Variants in PTPRM observed in about 807,000 individuals in gnomAD.
PTPRM encodes protein tyrosine phosphatase receptor type M.
PTPRM carries 47 observed loss-of-function variants against 186.7 expected under a neutral mutation model. The observed-to-expected ratio is 0.25, with a 90% CI of 0.20 to 0.32. The LOEUF (loss-of-function observed/expected upper bound fraction) is 0.32, where lower values mean the gene tolerates loss of function less well. Ranked by LOEUF, PTPRM falls within the 10% of genes least tolerant of loss-of-function variation. The pLI is 1.00. For synonymous variants in PTPRM, 668 were observed against 674.9 expected, an observed-to-expected ratio of 0.99 and a Z score of 0.16; for missense variants, 1,494 against 1,865.0, an observed-to-expected ratio of 0.80 and a Z score of 3.66.
intron 23 of PTPRM, among the ~76,000 whole-genome samples, chr18:8,349,086 G>A (rs1011652300): frequency 9.2e-5 from 14 of 152,130 alleles, no homozygotes; most frequent in African/African-American, 3.4e-4. Flanking sequence ...CTAGACGTCA[G>A]AACTAACAAC....
chr18:8,336,077 G>T (rs2095437533), intron 22 of PTPRM, among the ~76,000 whole-genome samples: 1 of 151,980 alleles, frequency 6.6e-6, no homozygotes, highest in African/African-American at 2.4e-5. Context: ...AACCTCTACT[G>T]CTTCAAGGGT....
At chr18:8,197,866 G>A (rs561837794) in intron 14 of PTPRM, among the ~76,000 whole-genome samples, 1 of 152,272 alleles carries the variant, frequency 6.6e-6, no homozygotes, top group South Asian at 2.1e-4. Flanking sequence ...CAAGGCATTT[G>A]ACTGCCGACA....
At position 8,376,048 on chromosome 18, in the gene PTPRM, A is replaced by T. The variant is rs2095692784; in HGVS notation, c.3174A>T (p.Arg1058Ser). 19 of 1,607,870 alleles carry T rather than the reference A, an allele frequency of 1.2e-5. No homozygotes were observed. Among genetic ancestry groups the T allele is most frequent in the Non-Finnish European group, 1.6e-5 (19 of 1,174,954 alleles). ...TTCTGGCTAACCAACTACTGCAGAG[A>T]GGTGTGCATGAAATCCGAGAGATCA... is the stretch of plus-strand genomic sequence containing the variant. The part of the protein sequence containing the change: ...YVIRTFAVEK[R>S]GVHEIREIRQ... The change falls in exon 25 of 33, where the codon AGA becomes AGT. Residue 1058 changes from arginine to serine, a missense_variant and splice_region_variant. Physicochemically the swap from Arg to Ser is moderately radical, Grantham distance 110. Around this residue, in one of 3 missense-constraint regions of PTPRM, gnomAD observed 1,107 missense variants for 1,350.2 expected, o/e 0.82. Coordinates refer to ENST00000580170, the MANE Select transcript of PTPRM (RefSeq NM_001105244.2).
chr18:8,027,732 C>G (rs183675278), intron 7 of PTPRM, among the ~76,000 whole-genome samples: 3 of 152,148 alleles, frequency 2.0e-5, no homozygotes, highest in Admixed American at 6.5e-5. Flanking sequence ...TAAAGAAGAT[C>G]CAAGTGAAAA....
chr18:7,942,549 T>G (rs1488287907), intron 5 of PTPRM, among the ~76,000 whole-genome samples: 1 of 147,360 alleles, frequency 6.8e-6, no homozygotes, highest in Non-Finnish European at 1.5e-5. Context: ...TAGGGGAGGA[T>G]GGAGGGAGAA....
intron 1 of PTPRM, among the ~76,000 whole-genome samples, chr18:7,737,279 T>C (rs1357589019): frequency 6.6e-6 from 1 of 150,980 alleles, no homozygotes; most frequent in Non-Finnish European, 1.5e-5. Context: ...GTGTTTTTAG[T>C]GGTGACGGGG....
In PTPRM at chr18:7,731,923, C is replaced by T. The variant is rs367990530; in HGVS notation, c.74-42226C>T. On this transcript the variant is annotated intron_variant, in intron 1 of 32. Transcript: ENST00000580170. ...TGCTGATCAAATTGTTATGTGTTGCCATCTTGAATAATTTGTACATCTGCA... is the reference window on the plus strand; with the variant it reads ...TGCTGATCAAATTGTTATGTGTTGCTATCTTGAATAATTTGTACATCTGCA... Among the ~76,000 whole-genome samples, 43 of 152,162 alleles carry T rather than the reference C, an allele frequency of 2.8e-4. No homozygotes were observed. The South Asian group carries it at 8.7e-3, about 31-fold the overall frequency.
chr18:7,826,669 TGGAAA>T (rs1169758131), intron 2 of PTPRM, among the ~76,000 whole-genome samples: 1 of 152,256 alleles, frequency 6.6e-6, no homozygotes, highest in African/African-American at 2.4e-5. Flanking sequence ...TTGTTCATCA[TGGAAA>T]ATACCGAAAT....
chr18:8,134,480 G>T (rs2092590842), intron 13 of PTPRM, among the ~76,000 whole-genome samples: 3 of 152,054 alleles, frequency 2.0e-5, no homozygotes, highest in Admixed American at 6.5e-5. Context: ...CTTCTTCGTA[G>T]TCCTTCTTTT....
intron 2 of PTPRM, among the ~76,000 whole-genome samples, chr18:7,845,885 G>A (rs2046569602): frequency 6.6e-6 from 1 of 152,068 alleles, no homozygotes; most frequent in South Asian, 2.1e-4. Context: ...CTAGTGGAGG[G>A]AAGGGAAGGA....
chr18:7,986,336 G>T (rs1242846178), intron 7 of PTPRM, among the ~76,000 whole-genome samples: 2 of 152,156 alleles, frequency 1.3e-5, no homozygotes, highest in African/African-American at 4.8e-5. Flanking sequence ...TTATGTACCT[G>T]GTCACTTAGG....
At chr18:8,230,772 GT>G (rs1396200354) in intron 14 of PTPRM, among the ~76,000 whole-genome samples, 2 of 152,164 alleles carry the variant, frequency 1.3e-5, no homozygotes, top group African/African-American at 4.8e-5. Context: ...AGACCACTAT[GT>G]TTCTTTCTTA....
In PTPRM at chr18:7,689,126, T is replaced by C. The variant is rs190261845; in HGVS notation, c.74-85023T>C. Among the ~76,000 whole-genome samples, 3 of 147,566 alleles carry C rather than the reference T, an allele frequency of 2.0e-5. No individual in the cohort carries two copies. In the East Asian group the frequency reaches 6.4e-4, roughly 32 times the overall value. On this transcript the variant is annotated intron_variant, in intron 1 of 32. Coordinates refer to ENST00000580170, the MANE Select transcript of PTPRM (RefSeq NM_001105244.2). ...AGGATAGGTATGTAGGTAATTCAAGTATAAATGCCACATAAATGAGATATA... is the reference window on the plus strand; with the variant it reads ...AGGATAGGTATGTAGGTAATTCAAGCATAAATGCCACATAAATGAGATATA...
rs1374107 is a variant in PTPRM, at chr18:7,812,365, G to A, written c.196+38094G>A. On this transcript the variant is annotated intron_variant, in intron 2 of 32. Transcript: ENST00000580170. The stretch of plus-strand genomic sequence containing the variant: ...TATCTCTCTCCTTCCATAAGCAGGA[G>A]CATATTTTATAAGCTGCTTTTCTCT... Among the ~76,000 whole-genome samples, 39 of 152,276 alleles carry A rather than the reference G, an allele frequency of 2.6e-4. No homozygotes were observed. In the East Asian group the frequency reaches 7.0e-3, roughly 27 times the overall value.
intron 20 of PTPRM, among the ~76,000 whole-genome samples, chr18:8,312,530 A>G (rs1412531302): frequency 6.6e-6 from 1 of 152,086 alleles, no homozygotes; most frequent in Non-Finnish European, 1.5e-5. Context: ...ACTGACATCT[A>G]TCCATCGCTT....
At chr18:8,308,953 T>C (rs1399401689) in intron 20 of PTPRM, among the ~76,000 whole-genome samples, 3 of 152,260 alleles carry the variant, frequency 2.0e-5, no homozygotes, top group Non-Finnish European at 4.4e-5. Flanking sequence ...CGTTGGTATA[T>C]ACTCTTCTGT....
intron 13 of PTPRM, among the ~76,000 whole-genome samples, chr18:8,136,722 T>A (rs1270002991): frequency 2.6e-5 from 4 of 152,124 alleles, no homozygotes; most frequent in African/African-American, 9.7e-5. Context: ...AGAAAAACAA[T>A]AATATGTAAT....
chr18:7,637,110 G>T (rs1164733067), intron 1 of PTPRM, among the ~76,000 whole-genome samples: 1 of 149,630 alleles, frequency 6.7e-6, no homozygotes, highest in Non-Finnish European at 1.5e-5. Flanking sequence ...GGAGGTTGCA[G>T]TGAGCTGAGA....
chr18:7,732,526 C>T (rs749099200), intron 1 of PTPRM, among the ~76,000 whole-genome samples: 19 of 151,852 alleles, frequency 1.3e-4, no homozygotes, highest in Non-Finnish European at 2.6e-4. Context: ...TTTTTAGAGA[C>T]AGGGTCTTGC....
Sources: gnomAD v4.1 joint callset for allele counts (sites outside exome capture counted in the v4.1 genomes callset) on GRCh38, gnomAD v4.1.1 for gene constraint, gnomAD v4.1.1 regional missense constraint, MANE v1.5 for transcripts, NCBI Gene and HGNC (gene_info 2026-07-23, HGNC 2026-07-21) for gene names.